Variants in ADAM17 observed in about 807,000 individuals in gnomAD.
ADAM17 encodes the protein disintegrin and metalloproteinase domain-containing protein 17.
In ADAM17, 39 loss-of-function variants were observed where a neutral mutation model predicts 96.7. The observed-to-expected ratio is 0.40, with a 90% CI of 0.31 to 0.53. The LOEUF (loss-of-function observed/expected upper bound fraction) is 0.53. ADAM17 is among the 20% of genes least tolerant of loss of function. ADAM17 has a pLI of 0.44. For synonymous variants in ADAM17, 344 were observed against 359.2 expected (o/e 0.96, Z 0.48); for missense variants, 777 against 1,013.2 (o/e 0.77, Z 3.17).
intron 12 of ADAM17, among the ~76,000 whole-genome samples, chr2:9,502,878 T>A (rs1348029541): frequency 1.8e-3 from 43 of 23,664 alleles, no homozygotes; most frequent in African/African-American, 2.5e-3. Flanking sequence ...AAATTCTGTC[T>A]CAAAAAAAAA....
chr2:9,491,848 G>A (rs1216332917), intron 17 of ADAM17, among the ~76,000 whole-genome samples: 1 of 152,218 alleles, frequency 6.6e-6, no homozygotes, highest in Non-Finnish European at 1.5e-5. Flanking sequence ...GCTTTGCTCT[G>A]AAATCAAGGG....
chr2:9,523,398 C>G, intron 6 of ADAM17, 60 bp from the exon 7 acceptor site: 1 of 1,392,274 alleles, frequency 7.2e-7, no homozygotes, highest in East Asian at 2.3e-5. Context: ...CCTGGCAATG[C>G]AATATAAAAT....
intron 14 of ADAM17, among the ~76,000 whole-genome samples, chr2:9,495,511 G>A (rs996350058): frequency 2.0e-5 from 3 of 152,084 alleles, no homozygotes; most frequent in Admixed American, 6.5e-5. Context: ...CCAGGAGTTC[G>A]AGAACAGCCT....
chr2:9,550,903 C>CAAA (rs33972062), intron 1 of ADAM17, among the ~76,000 whole-genome samples: 2 of 97,860 alleles, frequency 2.0e-5, no homozygotes, highest in Admixed American at 1.1e-4. Flanking sequence ...ACTAAAAATA[C>CAAA]AAAAAAAAAA....
chr2:9,547,050 C>A (rs1019188368), intron 1 of ADAM17, among the ~76,000 whole-genome samples: 2 of 152,224 alleles, frequency 1.3e-5, no homozygotes, highest in African/African-American at 2.4e-5. Context: ...CTACTTCTCT[C>A]TAGAATGAGA....
In ADAM17 at chr2:9,523,471, C is replaced by T. The variant is rs1312136795; in HGVS notation, c.754-133G>A. 1.6e-5 allele frequency: 11 copies of T among 693,980 alleles called. No homozygotes were observed. The East Asian group carries it at 3.0e-4, about 19-fold the overall frequency. 43.0% of individuals were successfully genotyped at this position (693,980 alleles called of 1,614,324 possible). A position where few individuals can be genotyped will look rare whatever the true frequency, so the allele number is the denominator to read the frequency against. ...GCAAAAGTTTCTACTTTCGCAAAAA[C>T]TAGCATTGAGATGTTACTGTATCAG... On this transcript the variant is annotated intron_variant, in intron 6 of 18. Coordinates refer to ENST00000310823, the MANE Select transcript of ADAM17 (RefSeq NM_003183.6).
intron 6 of ADAM17, among the ~76,000 whole-genome samples, chr2:9,525,080 A>G (rs1046185775): frequency 1.3e-5 from 2 of 152,112 alleles, no homozygotes; most frequent in Non-Finnish European, 2.9e-5. Flanking sequence ...TTTTAAAGTA[A>G]AAATCTCTCT....
At chr2:9,501,710 G>A (rs758553757) in intron 13 of ADAM17, among the ~76,000 whole-genome samples, 1 of 152,084 alleles carries the variant, frequency 6.6e-6, no homozygotes, top group Non-Finnish European at 1.5e-5. Context: ...TCCCAAGATT[G>A]TCATTTTGAT....
At position 9,548,800 on chromosome 2, in the gene ADAM17, A is replaced by G. The variant is rs139763650; in HGVS notation, c.98-5515T>C. On this transcript the variant is annotated intron_variant, in intron 1 of 18. Coordinates refer to ENST00000310823, the MANE Select transcript of ADAM17 (RefSeq NM_003183.6). ...TGACATCAGCGGTAAAAAGTAGCCA[A>G]TACTTTGTTCCTTCTAAAGGTTTCA... 2.0e-4 allele frequency among the ~76,000 whole-genome samples: 30 copies of G among 152,318 alleles called. No homozygotes were observed. In the East Asian group the frequency reaches 4.2e-3, roughly 22 times the overall value.
Position 9,494,705 on chromosome 2 carries a change from C to T in ADAM17, c.1846G>A (p.Asp616Asn), listed in dbSNP as rs756129840. The change falls in exon 15 of 19, where the codon GAT becomes AAT. Residue 616 changes from aspartate (D) to asparagine (N), a missense_variant. By Grantham distance (23) the Asp-to-Asn change is conservative. Coordinates refer to ENST00000310823, the MANE Select transcript of ADAM17 (RefSeq NM_003183.6). ...DLSGRCVPYV[D>N]AEQKNLFLRK... The stretch of plus-strand genomic sequence containing the variant: ...AAAAATAAGTTCTTTTGTTCAGCAT[C>T]GACATAGGGCACACAGCGGCCAGAA... 18 of 1,613,948 alleles carry T rather than the reference C, an allele frequency of 1.1e-5. No individual in the cohort carries two copies. Among genetic ancestry groups the T allele is most frequent in the Middle Eastern group, 1.6e-4 (1 of 6,084 alleles).
intron 6 of ADAM17, among the ~76,000 whole-genome samples, chr2:9,524,125 T>C (rs1226019592): frequency 6.6e-6 from 1 of 152,132 alleles, no homozygotes; most frequent in Non-Finnish European, 1.5e-5. Context: ...ATACATATTT[T>C]AAAAATGTGT....
intron 2 of ADAM17, among the ~76,000 whole-genome samples, chr2:9,540,377 T>A (rs1665159429): frequency 6.6e-6 from 1 of 152,064 alleles, no homozygotes; most frequent in South Asian, 2.1e-4. Context: ...CTAAGCTGTC[T>A]AAGCCTTAAT....
At chr2:9,499,577 A>G (rs1662877795) in intron 13 of ADAM17, among the ~76,000 whole-genome samples, 1 of 151,814 alleles carries the variant, frequency 6.6e-6, no homozygotes, top group Non-Finnish European at 1.5e-5. Context: ...AATTTTTTGT[A>G]TCTTTTAGTA....
chr2:9,523,380 T>C (rs746143951), intron 6 of ADAM17, 42 bp from the exon 7 acceptor site: 1 of 1,459,578 alleles, frequency 6.9e-7, no homozygotes, highest in South Asian at 1.2e-5. Context: ...ATGTAACTCT[T>C]TACCTCTCCT....
Position 9,493,922 on chromosome 2 carries a change from A to G in ADAM17, c.1915-97T>C, listed in dbSNP as rs191207517. On this transcript the variant is annotated intron_variant, in intron 15 of 18. Coordinates refer to ENST00000310823, the MANE Select transcript of ADAM17 (RefSeq NM_003183.6). ...AAATAACTGACATGTAAAGGGCTTC[A>G]TTAAAATCAAACGTTTTCCCATCTT... is the stretch of plus-strand genomic sequence containing the variant. 3.3e-4 allele frequency: 332 copies of G among 1,003,836 alleles called. No individual in the cohort carries two copies. In the African/African-American group the frequency reaches 4.9e-3, roughly 15 times the overall value. 62.2% of individuals were successfully genotyped at this position (1,003,836 alleles called of 1,614,324 possible). A position where few individuals can be genotyped will look rare whatever the true frequency, so the allele number is the denominator to read the frequency against.
chr2:9,490,608 T>TA, intron 18 of ADAM17, 90 bp from the exon 19 acceptor site: 1 of 1,325,542 alleles, frequency 7.5e-7, no homozygotes, highest in East Asian at 2.5e-5. Context: ...AACAGCCTCT[T>TA]ATTCTGTTGG....
intron 8 of ADAM17, 110 bp from the exon 9 acceptor site, chr2:9,518,357 G>A (rs1464523922): frequency 7.8e-7 from 1 of 1,284,800 alleles, no homozygotes; most frequent in Non-Finnish European, 1.0e-6. Context: ...ACAGAACTAT[G>A]ATGGCATGCA....
chr2:9,503,959 CT>C (rs1663200333), intron 12 of ADAM17, among the ~76,000 whole-genome samples: 1 of 151,934 alleles, frequency 6.6e-6, no homozygotes, highest in Admixed American at 6.6e-5. Context: ...TTACAACAAG[CT>C]TGGGCAACAT....
rs967199951 is a variant in ADAM17, at chr2:9,505,052, A to G, written c.1544+114T>C. 15 of 1,191,058 alleles carry G rather than the reference A, an allele frequency of 1.3e-5. No individual in the cohort carries two copies. In the African/African-American group the frequency reaches 2.0e-4, roughly 16 times the overall value. The allele number at this position is 1,191,058 out of a possible 1,614,324, so 73.8% of individuals were successfully genotyped here. A position where few individuals can be genotyped will look rare whatever the true frequency, so the allele number is the denominator to read the frequency against. ...AGGGCAAAAGAGGTAGATGTAAACAAACACACTCACACCCCTTTCAGTTGA... is the reference window on the plus strand; with the variant it reads ...AGGGCAAAAGAGGTAGATGTAAACAGACACACTCACACCCCTTTCAGTTGA... On this transcript the variant is annotated intron_variant, in intron 12 of 18. Coordinates refer to ENST00000310823, the MANE Select transcript of ADAM17 (RefSeq NM_003183.6).
Sources: allele counts gnomAD v4.1 joint callset (sites outside exome capture counted in the v4.1 genomes callset), GRCh38; gene constraint gnomAD v4.1.1; transcripts MANE v1.5; gene names NCBI Gene and HGNC (gene_info 2026-07-23, HGNC 2026-07-21).